GTPBP10: variants seen among roughly 807,000 people sequenced by gnomAD.
The protein encoded by GTPBP10 is GTP-binding protein 10.
Under a neutral mutation model 44.8 loss-of-function variants are expected in GTPBP10, and 38 were observed. The observed-to-expected ratio is 0.85, with a 90% CI of 0.65 to 1.11. GTPBP10 has a LOEUF of 1.11. Among genes scored for constraint, GTPBP10 ranks in the 50% most tolerant of loss-of-function variants. GTPBP10 has a pLI of 0.00. For missense variants in GTPBP10, 462 were observed against 453.7 expected (o/e 1.02, Z -0.17); for synonymous variants, 152 against 150.6 (o/e 1.01, Z -0.07).
At chr7:90,357,582 C>T (rs1795928577) in intron 4 of GTPBP10, among the ~76,000 whole-genome samples, 2 of 151,904 alleles carry the variant, frequency 1.3e-5, no homozygotes, top group Admixed American at 1.3e-4. Context: ...ACCATTATTC[C>T]AAATGAAAGT....
intron 8 of GTPBP10, among the ~76,000 whole-genome samples, chr7:90,379,981 G>A (rs922467143): frequency 3.3e-5 from 5 of 151,116 alleles, no homozygotes; most frequent in African/African-American, 1.2e-4. Flanking sequence ...AGAAAAGTCT[G>A]TTCAGATTCT....
chr7:90,359,844 G>A (rs1370079678), intron 4 of GTPBP10, among the ~76,000 whole-genome samples: 4 of 152,218 alleles, frequency 2.6e-5, no homozygotes, highest in African/African-American at 7.2e-5. Flanking sequence ...TCTAACTGGT[G>A]TGAGATGGTA....
chr7:90,372,187 G>GCTAATCCCAAATGCTGGAAAATCCTCT lies in GTPBP10; in HGVS notation c.497_498insCTAATCCCAAATGCTGGAAAATCCTCT (p.Ser166_Cys167insTer). The GCTAATCCCAAATGCTGGAAAATCCTCT allele has an allele frequency of 6.2e-7, 1 of 1,607,394 alleles. No homozygotes were observed. The highest frequency in any genetic ancestry group is 8.5e-7 in the Non-Finnish European group (1 of 1,176,484). On this transcript the variant is annotated stop_gained and inframe_insertion, in exon 5 of 10. Transcript: ENST00000222511. LOFTEE classifies it high-confidence loss of function. ...AATGCTGGAAAATCCTCTTTGCTAA[G>GCTAATCCCAAATGCTGGAAAATCCTCT]TTGTGTTTCTCATGCAAAACCTGCA... is the stretch of plus-strand genomic sequence containing the variant.
intron 8 of GTPBP10, among the ~76,000 whole-genome samples, chr7:90,378,827 C>T (rs556759286): frequency 4.6e-5 from 7 of 152,136 alleles, no homozygotes; most frequent in South Asian, 2.1e-4. Context: ...CTCAGCCTCC[C>T]GAGTAGCTGG....
intron 4 of GTPBP10, among the ~76,000 whole-genome samples, chr7:90,366,547 T>C (rs1156972272): frequency 1.3e-5 from 2 of 152,198 alleles, no homozygotes; most frequent in African/African-American, 4.8e-5. Flanking sequence ...TCTTCTAGAT[T>C]TTCTAGTTTA....
chr7:90,374,429 GT>G (rs1476260555), intron 6 of GTPBP10, 75 bp downstream of exon 6: 4 of 926,648 alleles, frequency 4.3e-6, no homozygotes, highest in Non-Finnish European at 6.9e-6. Context: ...GGATATTATA[GT>G]TTTTGCCTGT....
intron 4 of GTPBP10, among the ~76,000 whole-genome samples, chr7:90,364,140 A>C (rs140201522): frequency 0.2 from 30,992 of 152,174 alleles, 3,260 homozygotes; most frequent in Non-Finnish European, 0.23. Context: ...CAACTCATCA[A>C]AGTCATTCTC....
chr7:90,361,493 A>G (rs1055858143), intron 4 of GTPBP10, among the ~76,000 whole-genome samples: 1 of 152,198 alleles, frequency 6.6e-6, no homozygotes, highest in Non-Finnish European at 1.5e-5. Context: ...CCACTTGATC[A>G]TGGTGGATAA....
At chr7:90,361,358 G>C (rs919624093) in intron 4 of GTPBP10, among the ~76,000 whole-genome samples, 1 of 152,114 alleles carries the variant, frequency 6.6e-6, no homozygotes, top group Non-Finnish European at 1.5e-5. Flanking sequence ...GTTGAATTTT[G>C]TCAAAGGCCT....
At chr7:90,383,461 T>C (rs1407654514) in intron 9 of GTPBP10, among the ~76,000 whole-genome samples, 1 of 152,208 alleles carries the variant, frequency 6.6e-6, no homozygotes, top group Non-Finnish European at 1.5e-5. Context: ...GTACTGTACA[T>C]CATAAAATTA....
intron 4 of GTPBP10, among the ~76,000 whole-genome samples, chr7:90,365,395 A>G (rs1170467127): frequency 2.9e-5 from 1 of 34,054 alleles, no homozygotes; most frequent in Admixed American, 4.4e-4. Context: ...TTTTTTTTTG[A>G]GACGGAGTCT....
intron 4 of GTPBP10, among the ~76,000 whole-genome samples, chr7:90,355,911 C>T (rs747556676): frequency 1.3e-5 from 2 of 152,160 alleles, no homozygotes; most frequent in Non-Finnish European, 2.9e-5. Flanking sequence ...ATACAGAATA[C>T]ATAAAGGAAG....
At chr7:90,377,984 G>A (rs1020542553) in intron 7 of GTPBP10, 150 bp from the exon 8 acceptor site, 15 of 1,083,130 alleles carry the variant, frequency 1.4e-5, no homozygotes, top group South Asian at 1.3e-4. Context: ...TTAACACCTC[G>A]ATTTCTGTTA....
At chr7:90,354,608 A>G in intron 3 of GTPBP10, 59 bp downstream of exon 3, 1 of 823,966 alleles carries the variant, frequency 1.2e-6, no homozygotes, top group Admixed American at 2.7e-5. Context: ...AAATGAAACA[A>G]TGGAATAGCT....
At chr7:90,365,490 C>G (rs1450360270) in intron 4 of GTPBP10, among the ~76,000 whole-genome samples, 1 of 148,402 alleles carries the variant, frequency 6.7e-6, no homozygotes, top group Non-Finnish European at 1.5e-5. Context: ...ATTCTCCTGC[C>G]TCAGCCTCCC....
Position 90,390,281 on chromosome 7 carries a change from A to G in GTPBP10, c.*5127A>G, listed in dbSNP as rs1285101864. 2 of 152,238 alleles carry G rather than the reference A, an allele frequency of 1.3e-5. No homozygotes were observed. Among genetic ancestry groups the G allele is most frequent in the East Asian group, 3.9e-4 (2 of 5,194 alleles). 9.4% of individuals were successfully genotyped at this position (152,238 alleles called of 1,614,324 possible). ...AAAGTTGTTGCATGTCTCTCTGGAT[A>G]GCTCAGAAGTATCAGTTGTGGTTAT... On this transcript the variant is annotated 3_prime_UTR_variant, in exon 10 of 10. Transcript: ENST00000222511.
intron 1 of GTPBP10, among the ~76,000 whole-genome samples, chr7:90,347,817 A>G (rs572188679): frequency 6.6e-6 from 1 of 152,364 alleles, no homozygotes; most frequent in Admixed American, 6.5e-5. Flanking sequence ...TATGATAGGA[A>G]AAACAAATGA....
rs1272493670 is a variant in GTPBP10 at position 90,390,087 on chromosome 7, C to G, written c.*4933C>G. ...ATTATAGGCATGAGCCATTTATGCCCAGCCAGTTTTCTTTTTTCTAATTGA... is the reference window on the plus strand; with the variant it reads ...ATTATAGGCATGAGCCATTTATGCCGAGCCAGTTTTCTTTTTTCTAATTGA... On this transcript the variant is annotated 3_prime_UTR_variant, in exon 10 of 10. Coordinates refer to ENST00000222511, the MANE Select transcript of GTPBP10 (RefSeq NM_033107.4). 1 of 152,140 alleles carries G rather than the reference C, an allele frequency of 6.6e-6. No individual in the cohort carries two copies. Among genetic ancestry groups the G allele is most frequent in the Admixed American group, 6.5e-5 (1 of 15,274 alleles). 9.4% of individuals were successfully genotyped at this position (152,140 alleles called of 1,614,324 possible).
chr7:90,368,127 G>A (rs1796173910), intron 4 of GTPBP10, among the ~76,000 whole-genome samples: 1 of 152,172 alleles, frequency 6.6e-6, no homozygotes, highest in Middle Eastern at 3.2e-3. Flanking sequence ...CTTCTGGCTT[G>A]TAGGGTTTCT....
Sources: allele counts gnomAD v4.1 joint callset (sites outside exome capture counted in the v4.1 genomes callset), GRCh38; gene constraint gnomAD v4.1.1; transcripts MANE v1.5; gene names NCBI Gene and HGNC (gene_info 2026-07-23, HGNC 2026-07-21).